ZNF107: variants seen among roughly 807,000 people sequenced by gnomAD.
The protein encoded by ZNF107 is zinc finger protein 107.
ZNF107 carries 19 observed loss-of-function variants against 12.3 expected under a neutral mutation model. The observed-to-expected ratio is 1.55, with a 90% confidence interval of 1.08 to 2.27. ZNF107 has a LOEUF of 2.27. Among genes scored for constraint, ZNF107 ranks in the 30% most tolerant of loss-of-function variants. ZNF107 has a pLI of 0.00. For synonymous variants in ZNF107, 317 were observed against 330.5 expected, an observed-to-expected ratio of 0.96 and a Z score of 0.44; for missense variants, 958 against 979.9, an observed-to-expected ratio of 0.98 and a Z score of 0.30.
intron 1 of ZNF107, among the ~76,000 whole-genome samples, chr7:64,680,763 C>A (rs1291867947): frequency 6.6e-6 from 1 of 152,154 alleles, no homozygotes; most frequent in Non-Finnish European, 1.5e-5. Context: ...GCCCTCAAAC[C>A]CCACAACAGG....
At chr7:64,671,831 G>T (rs1789239894) in intron 1 of ZNF107, among the ~76,000 whole-genome samples, 1 of 146,842 alleles carries the variant, frequency 6.8e-6, no homozygotes. Flanking sequence ...GCCCAGGCTG[G>T]AGTGCAGCGG....
In ZNF107 at chr7:64,707,802, G is replaced by A; in HGVS notation, c.1705G>A (p.Glu569Lys). ...TGGAGAAAAACCCTATAAATGTGAA[G>A]AATGTGGAAAAGCCTTTAATCAATC... ...HTGEKPYKCE[E>K]CGKAFNQSYQ... The change falls in exon 4 of 4, where the codon GAA (glutamate) becomes AAA (lysine). Residue 569 changes from glutamate to lysine, a missense_variant. Physicochemically the swap from Glu to Lys is moderately conservative, Grantham distance 56. Transcript: ENST00000620827. 6.2e-7 allele frequency: 1 copy of A among 1,611,866 alleles called. No individual in the cohort carries two copies. Among genetic ancestry groups the A allele is most frequent in the Non-Finnish European group, 8.5e-7 (1 of 1,179,380 alleles).
At position 64,707,994 on chromosome 7, in the gene ZNF107, T is replaced by C. The variant is rs1356263775; in HGVS notation, c.1897T>C (p.Ser633Pro). 2.5e-6 allele frequency: 4 copies of C among 1,612,966 alleles called. No individual in the cohort carries two copies. The highest frequency in any genetic ancestry group is 1.7e-6 in the Non-Finnish European group (2 of 1,179,638). The change falls in exon 4 of 4, where the codon TCC becomes CCC. Residue 633 changes from serine (S) to proline (P), a missense_variant. Physicochemically the swap from Ser to Pro is moderately conservative, Grantham distance 74. Transcript: ENST00000620827. Reference sequence around the variant, plus strand: ...AGAACATGGCAAAGTTTTTAACCAGTCCTCAAACCTTACTACACAAAAGAT... The same window carrying C: ...AGAACATGGCAAAGTTTTTAACCAGCCCTCAAACCTTACTACACAAAAGAT... ...CEEHGKVFNQ[S>P]SNLTTQKIIH...
In ZNF107 at chr7:64,709,144, C is replaced by CA; in HGVS notation, c.*491dup. On this transcript the variant is annotated 3_prime_UTR_variant, in exon 4 of 4. Transcript: ENST00000620827. ...AAGCCTACAATTGTGAAGAATGTGG[C>CA]AAAGCTTTTAACCTTCCTTAACCCT... The CA allele has an allele frequency of 6.5e-6, 3 of 461,908 alleles. No individual in the cohort carries two copies. Among genetic ancestry groups the CA allele is most frequent in the South Asian group, 5.0e-5 (3 of 60,042 alleles). 28.6% of individuals were successfully genotyped at this position (461,908 alleles called of 1,614,324 possible). A position where few individuals can be genotyped will look rare whatever the true frequency, so the allele number is the denominator to read the frequency against.
intron 3 of ZNF107, among the ~76,000 whole-genome samples, chr7:64,692,495 C>G (rs952505283): frequency 2.0e-5 from 3 of 152,104 alleles, no homozygotes; most frequent in African/African-American, 7.2e-5. Flanking sequence ...TGCTTTGGCT[C>G]TTCAAAGTTT....
At chr7:64,686,319 T>G (rs946688982) in intron 1 of ZNF107, among the ~76,000 whole-genome samples, 30 of 152,204 alleles carry the variant, frequency 2.0e-4, no homozygotes, top group African/African-American at 6.5e-4. Flanking sequence ...TCCATCATTC[T>G]CCTTCTCCTA....
chr7:64,697,152 C>T (rs573525027), intron 3 of ZNF107, among the ~76,000 whole-genome samples: 2 of 152,058 alleles, frequency 1.3e-5, no homozygotes, highest in African/African-American at 4.8e-5. Context: ...TGAACTCATC[C>T]TTTTTTATGG....
chr7:64,686,736 T>C, intron 1 of ZNF107: 1 of 882,220 alleles, frequency 1.1e-6, no homozygotes, highest in Non-Finnish European at 1.4e-6. Context: ...GTTGATCAAC[T>C]TCTTGAGTCA....
chr7:64,690,092 G>A (rs558661595), intron 1 of ZNF107: 1 of 152,812 alleles, frequency 6.5e-6, no homozygotes. Context: ...GGTTGGCAAA[G>A]TGAATAGATG....
intron 1 of ZNF107, among the ~76,000 whole-genome samples, chr7:64,673,813 T>C (rs545235510): frequency 6.6e-6 from 1 of 152,370 alleles, no homozygotes; most frequent in East Asian, 1.9e-4. Context: ...TCTAGCATCA[T>C]TTATTAAATA....
Position 64,708,802 on chromosome 7 carries a change from A to T in ZNF107, c.*146A>T. On this transcript the variant is annotated 3_prime_UTR_variant, in exon 4 of 4. Coordinates refer to ENST00000620827, the MANE Select transcript of ZNF107 (RefSeq NM_001282359.2). ...TACTGGTGAGAAACCTTACAATGTA[A>T]AGAATGTGGCACAGCTTTTAACTAA... 1.2e-6 allele frequency: 1 copy of T among 813,710 alleles called. No homozygotes were observed. 50.4% of individuals were successfully genotyped at this position (813,710 alleles called of 1,614,324 possible). A position where few individuals can be genotyped will look rare whatever the true frequency, so the allele number is the denominator to read the frequency against.
chr7:64,708,448 C>T lies in ZNF107; in HGVS notation c.2351C>T (p.Thr784Ile). The T allele has an allele frequency of 6.2e-7, 1 of 1,605,078 alleles. No homozygotes were observed. ...SNLTTHKKIH[T>I]SEKPYKCEEC... The stretch of plus-strand genomic sequence containing the variant: ...CTTACTACACATAAGAAAATTCATA[C>T]TTCAGAGAAACCCTACAAATGTGAA... The change falls in exon 4 of 4, where the codon ACT becomes ATT. Residue 784 changes from threonine to isoleucine, a missense_variant. Transcript: ENST00000620827.
At chr7:64,682,128 G>T (rs371312594) in intron 1 of ZNF107, among the ~76,000 whole-genome samples, 1 of 151,548 alleles carries the variant, frequency 6.6e-6, no homozygotes, top group South Asian at 2.1e-4. Flanking sequence ...GATCTCTGCA[G>T]TCTCTCCTAG....
intron 1 of ZNF107, chr7:64,669,092 T>C (rs1197624176): frequency 7.8e-6 from 1 of 128,890 alleles, no homozygotes; most frequent in Non-Finnish European, 1.6e-5. Context: ...CTCGGCTCAC[T>C]GAAACCTCCG....
At chr7:64,682,834 C>A (rs1316978568) in intron 1 of ZNF107, among the ~76,000 whole-genome samples, 2 of 152,138 alleles carry the variant, frequency 1.3e-5, no homozygotes, top group Non-Finnish European at 2.9e-5. Context: ...ATTTTAAACC[C>A]CATGCTAACC....
chr7:64,683,736 T>C (rs1417147528), intron 1 of ZNF107, among the ~76,000 whole-genome samples: 1 of 152,146 alleles, frequency 6.6e-6, no homozygotes, highest in East Asian at 1.9e-4. Context: ...TGTCTGCCAC[T>C]CCAAGGTTTT....
intron 1 of ZNF107, among the ~76,000 whole-genome samples, chr7:64,667,701 G>C (rs1169312703): frequency 6.6e-6 from 1 of 152,208 alleles, no homozygotes; most frequent in Non-Finnish European, 1.5e-5. Context: ...ACAATCTGAG[G>C]TTGGAGTGTA....
In ZNF107 at chr7:64,707,425, A is replaced by C; in HGVS notation, c.1328A>C (p.His443Pro). 3 of 1,613,378 alleles carry C rather than the reference A, an allele frequency of 1.9e-6. No homozygotes were observed. Among genetic ancestry groups the C allele is most frequent in the Non-Finnish European group, 2.5e-6 (3 of 1,179,696 alleles). ...AACCAATCTTCAAACCTTACTGAACATAAGAAAATTCATACTGCAGAGAAA... is the reference window on the plus strand; with the variant it reads ...AACCAATCTTCAAACCTTACTGAACCTAAGAAAATTCATACTGCAGAGAAA... Reference protein sequence around the residue: ...AFNQSSNLTEHKKIHTAEKSY... With the variant: ...AFNQSSNLTEPKKIHTAEKSY... Residue 443 changes from histidine to proline, a missense_variant, in exon 4 of 4, where the codon CAT becomes CCT. Coordinates refer to ENST00000620827, the MANE Select transcript of ZNF107 (RefSeq NM_001282359.2).
intron 3 of ZNF107, among the ~76,000 whole-genome samples, chr7:64,693,838 G>T (rs1562837434): frequency 2.0e-5 from 3 of 152,200 alleles, no homozygotes; most frequent in South Asian, 4.1e-4. Flanking sequence ...GCCCAGGCTG[G>T]AGTGCAGTGG....
Sources: allele counts gnomAD v4.1 joint callset (sites outside exome capture counted in the v4.1 genomes callset), GRCh38; gene constraint gnomAD v4.1.1; transcripts MANE v1.5; gene names NCBI Gene and HGNC (gene_info 2026-07-23, HGNC 2026-07-21).